Variants in PCDHGA9 observed in about 807,000 individuals in gnomAD.
The protein encoded by PCDHGA9 is protocadherin gamma subfamily A, 9.
A neutral mutation model predicts 62.5 loss-of-function variants in PCDHGA9; 37 were observed. The observed-to-expected ratio is 0.59, with a 90% confidence interval of 0.46 to 0.78. The LOEUF (loss-of-function observed/expected upper bound fraction) is 0.78. Ranked by LOEUF, PCDHGA9 falls within the 30% of genes least tolerant of loss-of-function variation. The pLI is 0.00. For missense variants in PCDHGA9, 1,138 were observed against 1,166.2 expected (o/e 0.98, Z 0.35); for synonymous variants, 459 against 484.6 (o/e 0.95, Z 0.69).
rs138463062 is a variant in PCDHGA9 at position 141,485,217 on chromosome 5, C to T, written c.2425-9590C>T. 7,893 of 1,614,092 alleles carry T rather than the reference C, an allele frequency of 4.9e-3. 42 individuals carry two copies. Among genetic ancestry groups the T allele is most frequent in the Admixed American group, 8.8e-3 (531 of 60,030 alleles). On this transcript the variant is annotated intron_variant, in intron 1 of 3. Coordinates refer to ENST00000573521, the MANE Select transcript of PCDHGA9 (RefSeq NM_018921.3). This position sits in a 1 kb window ranked among gnomAD's most constrained non-coding sequence, Gnocchi z 5.7. Reference sequence around the variant, plus strand: ...AGCTGGACAGAAATCTGGCGGTGGGCTACCCTTTTGTTCCTCTTTTACCAC... The same window carrying T: ...AGCTGGACAGAAATCTGGCGGTGGGTTACCCTTTTGTTCCTCTTTTACCAC...
intron 1 of PCDHGA9, among the ~76,000 whole-genome samples, chr5:141,438,611 TATATATATATATATATATATATATAC>T (rs1451681129): frequency 0.1 from 4,016 of 39,372 alleles, 166 homozygotes; most frequent in Middle Eastern, 0.18. Context: ...TATATATATA[TATATATATATATATATATATATATAC>T]ACACACACAC....
At chr5:141,411,161 A>G (rs2095470005) in intron 1 of PCDHGA9, 1 of 152,284 alleles carries the variant, frequency 6.6e-6, no homozygotes, top group Non-Finnish European at 1.5e-5. Context: ...AGTTCTGACT[A>G]TCGAACAGAA....
Position 141,431,518 on chromosome 5 carries a change from G to T in PCDHGA9, c.2424+26142G>T. 6.2e-7 allele frequency: 1 copy of T among 1,614,090 alleles called. No individual in the cohort carries two copies. Among genetic ancestry groups the T allele is most frequent in the Non-Finnish European group, 8.5e-7 (1 of 1,180,038 alleles). ...CCGAGTACCGCGCGAGCGTTCCGGA[G>T]AATCTGGCCTTGGGCACGCAGCTGC... On this transcript the variant is annotated intron_variant, in intron 1 of 3. Coordinates refer to ENST00000573521, the MANE Select transcript of PCDHGA9 (RefSeq NM_018921.3). The surrounding 1 kb of genome is among the most constrained non-coding windows in gnomAD (Gnocchi z 4.8).
At chr5:141,441,831 C>T in intron 1 of PCDHGA9, 3 of 352,742 alleles carry the variant, frequency 8.5e-6, no homozygotes, top group South Asian at 7.2e-5. Context: ...AGCGCAATGG[C>T]TTCGCGCTCT....
intron 2 of PCDHGA9, among the ~76,000 whole-genome samples, chr5:141,505,177 A>G (rs917485235): frequency 6.6e-6 from 1 of 152,180 alleles, no homozygotes; most frequent in East Asian, 1.9e-4. Flanking sequence ...AAAAGAAAAA[A>G]GCATCGGAGG....
intron 1 of PCDHGA9, among the ~76,000 whole-genome samples, chr5:141,469,187 G>T (rs147209381): frequency 5.9e-5 from 9 of 151,588 alleles, no homozygotes; most frequent in African/African-American, 1.9e-4. Context: ...GAGGCAAGAG[G>T]ATTGCTTGAG....
Position 141,404,496 on chromosome 5 carries a change from A to G in PCDHGA9, c.1544A>G (p.Tyr515Cys), listed in dbSNP as rs773471878. The G allele has an allele frequency of 2.7e-5, 43 of 1,613,778 alleles. No individual in the cohort carries two copies. The highest frequency in any genetic ancestry group is 2.2e-5 in the East Asian group (1 of 44,900). Residue 515 changes from tyrosine (Y) to cysteine (C), a missense_variant, in exon 1 of 4, where the codon TAT becomes TGT. By Grantham distance (194) the Tyr-to-Cys change is radical. Transcript: ENST00000573521. ...ATTAACTCAGACACTGGTGTGCTGT[A>G]TGCTCTGTGCTCCTTTGACTATGAG... ...VSINSDTGVL[Y>C]ALCSFDYEQF... is the part of the protein sequence containing the mutation.
chr5:141,486,728 G>T lies in PCDHGA9; in HGVS notation c.2425-8079G>T. On this transcript the variant is annotated intron_variant, in intron 1 of 3. Coordinates refer to ENST00000573521, the MANE Select transcript of PCDHGA9 (RefSeq NM_018921.3). This position sits in a 1 kb window ranked among gnomAD's most constrained non-coding sequence, Gnocchi z 5.0. Reference sequence around the variant, plus strand: ...GAACCCCCAGACAGGAGCTGTTCATGCTACTCGATCCTTTGACTATGAGCA... The same window carrying T: ...GAACCCCCAGACAGGAGCTGTTCATTCTACTCGATCCTTTGACTATGAGCA... The T allele has an allele frequency of 6.2e-7, 1 of 1,614,200 alleles. No individual in the cohort carries two copies. The highest frequency in any genetic ancestry group is 8.5e-7 in the Non-Finnish European group (1 of 1,180,052).
At chr5:141,410,544 G>A (rs1370251538) in intron 1 of PCDHGA9, 3 of 1,613,640 alleles carry the variant, frequency 1.9e-6, no homozygotes, top group Non-Finnish European at 2.5e-6. Flanking sequence ...GACATGGTTT[G>A]CAGTGTTTCT....
In PCDHGA9 at chr5:141,404,520, A is replaced by C. The variant is rs1483361714; in HGVS notation, c.1568A>C (p.Glu523Ala). The C allele has an allele frequency of 1.2e-6, 2 of 1,613,916 alleles. No homozygotes were observed. Among genetic ancestry groups the C allele is most frequent in the Non-Finnish European group, 1.7e-6 (2 of 1,179,854 alleles). The change falls in exon 1 of 4, where the codon GAG becomes GCG. Residue 523 changes from glutamate to alanine, a missense_variant. By Grantham distance (107) the Glu-to-Ala change is moderately radical. Coordinates refer to ENST00000573521, the MANE Select transcript of PCDHGA9 (RefSeq NM_018921.3). The part of the protein sequence containing the change: ...VLYALCSFDY[E>A]QFRDLQMQVT... ...TATGCTCTGTGCTCCTTTGACTATG[A>C]GCAGTTTAGAGATTTGCAAATGCAG... is the stretch of plus-strand genomic sequence containing the variant.
chr5:141,410,561 G>T (rs201832666), intron 1 of PCDHGA9: 171 of 1,612,580 alleles, frequency 1.1e-4, no homozygotes, highest in Admixed American at 2.7e-4. Context: ...TTCTCCTGGA[G>T]CCTTAATTCC....
rs1428628914 is a variant in PCDHGA9, at chr5:141,487,223, G to A, written c.2425-7584G>A. 1.2e-6 allele frequency: 2 copies of A among 1,614,076 alleles called. No homozygotes were observed. The highest frequency in any genetic ancestry group is 2.2e-5 in the East Asian group (1 of 44,866). The stretch of plus-strand genomic sequence containing the variant: ...TCTTCGAGAATCTTCAGCTCCAAGG[G>A]AAGGAGAATCTCGTCTAACCCTCTA... On this transcript the variant is annotated intron_variant, in intron 1 of 3. Transcript: ENST00000573521. This position sits in a 1 kb window ranked among gnomAD's most constrained non-coding sequence, Gnocchi z 5.0.
intron 1 of PCDHGA9, chr5:141,418,093 C>T: frequency 6.2e-7 from 1 of 1,614,032 alleles, no homozygotes; most frequent in East Asian, 2.2e-5. Flanking sequence ...TCAGCGTAGA[C>T]GCGCAGAGCG....
rs373424450 is a variant in PCDHGA9, at chr5:141,450,829, AT to A, written c.2425-43965del. 1.1e-3 allele frequency among the ~76,000 whole-genome samples: 154 copies of A among 135,102 alleles called. 1 individual carries two copies. Among genetic ancestry groups the A allele is most frequent in the South Asian group, 8.9e-3 (38 of 4,254 alleles). 88.6% of individuals were successfully genotyped at this position (135,102 alleles called of 152,430 possible). ...TTATTTATTTAATATTATTATTATTATTTTTTTTTTTTTGAGATGGGGTCTT... is the reference window on the plus strand; with the variant it reads ...TTATTTATTTAATATTATTATTATTATTTTTTTTTTTTGAGATGGGGTCTT... On this transcript the variant is annotated intron_variant, in intron 1 of 3. Transcript: ENST00000573521.
chr5:141,428,773 T>C (rs1036838681), intron 1 of PCDHGA9: 1 of 154,174 alleles, frequency 6.5e-6, no homozygotes, highest in Admixed American at 6.4e-5. Context: ...CCACTCTTAA[T>C]ATTTCCTGTT....
Position 141,494,920 on chromosome 5 carries a change from G to A in PCDHGA9, c.2483+55G>A, listed in dbSNP as rs1329724849. The A allele has an allele frequency of 1.8e-5, 29 of 1,613,680 alleles. No individual in the cohort carries two copies. The East Asian group carries it at 6.5e-4, about 36-fold the overall frequency. On this transcript the variant is annotated intron_variant, in intron 2 of 3. Coordinates refer to ENST00000573521, the MANE Select transcript of PCDHGA9 (RefSeq NM_018921.3). ...TTCTCTGCGGCATTTTCTCAGGGAT[G>A]ACGTGGGAGGAGATGGGGGAGGGCC...
At chr5:141,473,272 A>G (rs2099318396) in intron 1 of PCDHGA9, among the ~76,000 whole-genome samples, 1 of 152,182 alleles carries the variant, frequency 6.6e-6, no homozygotes, top group African/African-American at 2.4e-5. Flanking sequence ...GTATGCTATG[A>G]TTATTTTACT....
chr5:141,474,516 T>G (rs999585038), intron 1 of PCDHGA9, among the ~76,000 whole-genome samples: 1 of 152,240 alleles, frequency 6.6e-6, no homozygotes, highest in Non-Finnish European at 1.5e-5. Context: ...GCCCTCTTGC[T>G]GGTCTGGCTA....
At chr5:141,405,543 C>T (rs1027086926) in intron 1 of PCDHGA9, 167 bp downstream of exon 1, 27 of 634,834 alleles carry the variant, frequency 4.3e-5, no homozygotes, top group Non-Finnish European at 7.1e-5. Flanking sequence ...CCTCAGCCTC[C>T]CAAGTAGAGT....
Sources: gnomAD v4.1 joint callset for allele counts (sites outside exome capture counted in the v4.1 genomes callset) on GRCh38, gnomAD v4.1.1 for gene constraint, Gnocchi (gnomAD v3.1) non-coding constraint, MANE v1.5 for transcripts, NCBI Gene and HGNC (gene_info 2026-07-23, HGNC 2026-07-21) for gene names.